Variants in BICD1 observed in about 807,000 individuals in gnomAD.
BICD1 encodes protein bicaudal D homolog 1.
In BICD1, 35 loss-of-function variants were observed where a neutral mutation model predicts 92.5. That is an observed-to-expected ratio of 0.38 (90% CI 0.29 to 0.50). The LOEUF is 0.50. Among genes scored for constraint, BICD1 ranks in the 20% least tolerant of loss-of-function variants. The probability of loss-of-function intolerance (pLI) is 0.93; values close to 1 mark genes in which losing one functional copy is unlikely to be tolerated. For missense variants in BICD1, 950 were observed against 1,189.8 expected, an observed-to-expected ratio of 0.80 and a Z score of 2.97; for synonymous variants, 429 against 465.1, an observed-to-expected ratio of 0.92 and a Z score of 1.00.
chr12:32,299,359 A>G (rs1947969088), intron 3 of BICD1, among the ~76,000 whole-genome samples: 1 of 152,194 alleles, frequency 6.6e-6, no homozygotes, highest in South Asian at 2.1e-4. Flanking sequence ...GTGCAGCCTT[A>G]CAACAACGGC....
At chr12:32,246,029 CA>C (rs71068311) in intron 2 of BICD1, among the ~76,000 whole-genome samples, 11,295 of 42,482 alleles carry the variant, frequency 0.27, 132 homozygotes, top group Middle Eastern at 0.38. Flanking sequence ...TACTCTGTCT[CA>C]AAAAAAAAAA....
intron 4 of BICD1, among the ~76,000 whole-genome samples, chr12:32,311,185 C>T (rs886667496): frequency 6.6e-6 from 1 of 152,148 alleles, no homozygotes; most frequent in African/African-American, 2.4e-5. Context: ...AGGCATGAGA[C>T]ATCAATTAAA....
intron 1 of BICD1, among the ~76,000 whole-genome samples, chr12:32,185,921 G>A (rs2121527451): frequency 7.9e-6 from 1 of 125,892 alleles, no homozygotes; most frequent in Middle Eastern, 3.7e-3. Context: ...CTTTGCATCT[G>A]TGTGGGGCCA....
intron 8 of BICD1, among the ~76,000 whole-genome samples, chr12:32,354,990 T>A (rs1016693569): frequency 3.3e-5 from 5 of 152,230 alleles, no homozygotes; most frequent in African/African-American, 2.4e-5. Flanking sequence ...TGTATTTTGA[T>A]GCTTCTTTCC....
At chr12:32,249,910 A>G (rs1390566805) in intron 2 of BICD1, among the ~76,000 whole-genome samples, 3 of 151,554 alleles carry the variant, frequency 2.0e-5, no homozygotes, top group African/African-American at 7.3e-5. Flanking sequence ...AATAAAAGGG[A>G]TTTGATCATA....
At chr12:32,285,100 A>G (rs1456773376) in intron 2 of BICD1, among the ~76,000 whole-genome samples, 1 of 152,164 alleles carries the variant, frequency 6.6e-6, no homozygotes, top group Non-Finnish European at 1.5e-5. Flanking sequence ...TTGAAGGTTT[A>G]TCTCTGGCTG....
At chr12:32,245,100 A>G (rs1025099026) in intron 2 of BICD1, among the ~76,000 whole-genome samples, 4 of 152,144 alleles carry the variant, frequency 2.6e-5, no homozygotes, top group Admixed American at 2.6e-4. Context: ...TCATCTGTAT[A>G]ATAGGGATAA....
chr12:32,183,382 A>C (rs1447761551), intron 1 of BICD1, among the ~76,000 whole-genome samples: 1 of 150,490 alleles, frequency 6.6e-6, no homozygotes, highest in African/African-American at 2.5e-5. Context: ...CTCCTGCCTC[A>C]GCCTCCCTAG....
At chr12:32,348,733 T>A (rs1199550546) in intron 8 of BICD1, among the ~76,000 whole-genome samples, 49 of 2,882 alleles carry the variant, frequency 0.017, no homozygotes, top group African/African-American at 0.024. Flanking sequence ...AATATATATA[T>A]ATATATATAT....
At chr12:32,187,400 G>A (rs200736763) in intron 1 of BICD1, among the ~76,000 whole-genome samples, 5 of 152,256 alleles carry the variant, frequency 3.3e-5, no homozygotes, top group Admixed American at 6.5e-5. Context: ...TGGGCTGGGC[G>A]CGGTGGCTCA....
intron 2 of BICD1, among the ~76,000 whole-genome samples, chr12:32,217,239 G>A (rs145212426): frequency 2.6e-5 from 4 of 152,298 alleles, no homozygotes; most frequent in East Asian, 1.9e-4. Context: ...AGACGCAGAC[G>A]TCCTCTAACT....
At chr12:32,367,194 A>G (rs1939556818) in intron 8 of BICD1, among the ~76,000 whole-genome samples, 1 of 152,216 alleles carries the variant, frequency 6.6e-6, no homozygotes. Flanking sequence ...AAAAGATTAT[A>G]TTGCACACTT....
At chr12:32,139,798 G>A (rs1942848487) in intron 1 of BICD1, among the ~76,000 whole-genome samples, 6 of 152,202 alleles carry the variant, frequency 3.9e-5, no homozygotes, top group Admixed American at 2.6e-4. Context: ...CTGACCTCGC[G>A]ATCCGCCCGC....
intron 4 of BICD1, among the ~76,000 whole-genome samples, chr12:32,323,434 C>T (rs746465075): frequency 1.3e-5 from 2 of 152,174 alleles, no homozygotes; most frequent in Admixed American, 6.5e-5. Flanking sequence ...CCCTATGAGG[C>T]GTTACTGTGC....
chr12:32,373,892 G>T (rs1391815654), intron 9 of BICD1, among the ~76,000 whole-genome samples: 1 of 143,902 alleles, frequency 6.9e-6, no homozygotes. Context: ...AAAAAAAAAA[G>T]TATTGGATTA....
chr12:32,119,913 C>T (rs981887296), intron 1 of BICD1, among the ~76,000 whole-genome samples: 4 of 152,106 alleles, frequency 2.6e-5, no homozygotes, highest in Non-Finnish European at 4.4e-5. Context: ...TGAGCTAATA[C>T]ATAAACCTTC....
intron 1 of BICD1, among the ~76,000 whole-genome samples, chr12:32,153,955 G>A (rs895610727): frequency 1.3e-5 from 2 of 151,956 alleles, no homozygotes; most frequent in Non-Finnish European, 2.9e-5. Context: ...CTGAATGCTT[G>A]CGGTAGCCAT....
intron 1 of BICD1, among the ~76,000 whole-genome samples, chr12:32,215,886 G>A (rs1426143425): frequency 2.8e-5 from 4 of 143,684 alleles, no homozygotes; most frequent in South Asian, 2.2e-4. Flanking sequence ...CCCGGGAGGC[G>A]GAGCTTGCAG....
Position 32,246,506 on chromosome 12 carries a change from C to T in BICD1, c.426+30047C>T, listed in dbSNP as rs892882360. Among the ~76,000 whole-genome samples, 14 of 151,700 alleles carry T rather than the reference C, an allele frequency of 9.2e-5. No individual in the cohort carries two copies. In the South Asian group the frequency reaches 1.9e-3, roughly 20 times the overall value. On this transcript the variant is annotated intron_variant, in intron 2 of 9. Transcript: ENST00000652176. ...TTTAAAAATTAGCCAGACATGGTGCCGTGTGCCTATAGTCTCAACTACTTT... is the reference window on the plus strand; with the variant it reads ...TTTAAAAATTAGCCAGACATGGTGCTGTGTGCCTATAGTCTCAACTACTTT...
Sources: gnomAD v4.1 joint callset for allele counts (sites outside exome capture counted in the v4.1 genomes callset) on GRCh38, gnomAD v4.1.1 for gene constraint, MANE v1.5 for transcripts, NCBI Gene and HGNC (gene_info 2026-07-23, HGNC 2026-07-21) for gene names.